Variants in KAT6A observed in about 807,000 individuals in gnomAD.
KAT6A encodes the protein lysine acetyltransferase 6A.
Under a neutral mutation model 198.4 loss-of-function variants are expected in KAT6A, and 9 were observed. The ratio of observed to expected loss-of-function variants is 0.05; its 90% CI spans 0.03 to 0.08. The LOEUF is 0.08. Among genes scored for constraint, KAT6A ranks in the 10% least tolerant of loss-of-function variants. The probability of loss-of-function intolerance (pLI) is 1.00; values close to 1 mark genes in which losing one functional copy is unlikely to be tolerated. For synonymous variants in KAT6A, 890 were observed against 883.0 expected (o/e 1.01, Z -0.14); for missense variants, 2,077 against 2,509.9 (o/e 0.83, Z 3.69).
chr8:41,970,981 C>T (rs913351159), intron 8 of KAT6A, among the ~76,000 whole-genome samples: 5 of 151,902 alleles, frequency 3.3e-5, no homozygotes, highest in African/African-American at 1.2e-4. Context: ...GACAAAAAAA[C>T]CAAACACCGC....
chr8:42,047,254 A>T (rs1802359621), intron 2 of KAT6A, among the ~76,000 whole-genome samples: 1 of 152,214 alleles, frequency 6.6e-6, no homozygotes, highest in African/African-American at 2.4e-5. Flanking sequence ...GGTCAATGTA[A>T]AAAACAGGTA....
Position 41,934,750 on chromosome 8 carries a change from C to T in KAT6A, c.3470G>A (p.Ser1157Asn). 1 of 1,614,164 alleles carries T rather than the reference C, an allele frequency of 6.2e-7. No individual in the cohort carries two copies. The highest frequency in any genetic ancestry group is 8.5e-7 in the Non-Finnish European group (1 of 1,180,036). ...TTTCTTCCAGTGGATTGGTTTGCGGCTCTTGCCTTTGGGCCATCCCTTTTT... is the reference window on the plus strand; with the variant it reads ...TTTCTTCCAGTGGATTGGTTTGCGGTTCTTGCCTTTGGGCCATCCCTTTTT... Reference protein sequence around the residue: ...KKKKGWPKGKSRKPIHWKKRP... With the variant: ...KKKKGWPKGKNRKPIHWKKRP... The change falls in exon 17 of 17, where the codon AGC becomes AAC. Residue 1157 changes from serine (S) to asparagine (N), a missense_variant. By Grantham distance (46) the Ser-to-Asn change is conservative. Coordinates refer to ENST00000265713, the MANE Select transcript of KAT6A (RefSeq NM_006766.5).
chr8:41,941,529 G>C (rs182311746), intron 14 of KAT6A, 85 bp from the exon 15 acceptor site: 1 of 1,372,620 alleles, frequency 7.3e-7, no homozygotes, highest in Non-Finnish European at 9.8e-7. Flanking sequence ...TAAGTATTGA[G>C]AGAAGAAAAG....
chr8:42,021,319 C>T (rs1372363160), intron 2 of KAT6A, among the ~76,000 whole-genome samples: 1 of 152,074 alleles, frequency 6.6e-6, no homozygotes, highest in Non-Finnish European at 1.5e-5. Flanking sequence ...TTTGTTTTGT[C>T]TTGTTTTACT....
intron 9 of KAT6A, among the ~76,000 whole-genome samples, chr8:41,953,726 G>T (rs186274518): frequency 2.1e-3 from 317 of 152,076 alleles, no homozygotes; most frequent in African/African-American, 6.9e-3. Flanking sequence ...TGCCTATCTC[G>T]GCCTCCCAAA....
At chr8:41,949,869 A>G (rs570614564) in intron 9 of KAT6A, among the ~76,000 whole-genome samples, 4 of 152,152 alleles carry the variant, frequency 2.6e-5, no homozygotes, top group Non-Finnish European at 4.4e-5. Flanking sequence ...CTTTTTCCCA[A>G]CTTTCCTGGG....
At chr8:41,960,779 G>T (rs1483871470) in intron 8 of KAT6A, among the ~76,000 whole-genome samples, 1 of 151,972 alleles carries the variant, frequency 6.6e-6, no homozygotes, top group Non-Finnish European at 1.5e-5. Context: ...CCATAATCCA[G>T]TGCTTCCATC....
Position 41,933,717 on chromosome 8 carries a change from G to A in KAT6A, c.4503C>T (p.Asn1501=), listed in dbSNP as rs1035776343. 27 of 1,614,026 alleles carry A rather than the reference G, an allele frequency of 1.7e-5. No individual in the cohort carries two copies. Among genetic ancestry groups the A allele is most frequent in the African/African-American group, 1.1e-4 (8 of 74,902 alleles). The stretch of plus-strand genomic sequence containing the variant: ...TGTAGCCACTCTCAAGGGCAGGCAC[G>A]TTGGGACTGCTGACCGAACGGACTG... ...SQSVRSVSSP[N]VPALESGYTQ... The change falls in exon 17 of 17, where the codon AAC becomes AAT. Residue 1501 remains asparagine (N), a synonymous_variant. Transcript: ENST00000265713. This position sits in a 1 kb window ranked among gnomAD's most constrained non-coding sequence, Gnocchi z 6.2.
chr8:42,019,695 T>C (rs1214059003), intron 2 of KAT6A, among the ~76,000 whole-genome samples: 1 of 152,198 alleles, frequency 6.6e-6, no homozygotes, highest in Admixed American at 6.5e-5. Flanking sequence ...AGGGATGTCC[T>C]CTTCTGGTCT....
At chr8:41,972,842 G>A (rs1031943438) in intron 8 of KAT6A, among the ~76,000 whole-genome samples, 15 of 152,088 alleles carry the variant, frequency 9.9e-5, no homozygotes, top group African/African-American at 2.7e-4. Flanking sequence ...CAACTTACTC[G>A]GGAGGAGAAA....
chr8:42,011,811 T>C (rs564948360), intron 2 of KAT6A, among the ~76,000 whole-genome samples: 2 of 148,814 alleles, frequency 1.3e-5, no homozygotes, highest in South Asian at 2.1e-4. Context: ...TACAGAGGAT[T>C]ATAAAAGCAC....
chr8:41,959,160 A>ATT (rs1491203466), intron 8 of KAT6A, among the ~76,000 whole-genome samples: 1 of 19,508 alleles, frequency 5.1e-5, no homozygotes, highest in Non-Finnish European at 8.5e-5. Flanking sequence ...GACTGTCTCG[A>ATT]AAAAAAAAAA....
chr8:42,012,202 T>C (rs991392060), intron 2 of KAT6A, among the ~76,000 whole-genome samples: 2 of 152,210 alleles, frequency 1.3e-5, no homozygotes, highest in African/African-American at 4.8e-5. Flanking sequence ...CAGTTTCTTA[T>C]AAAAGTTAAA....
intron 2 of KAT6A, among the ~76,000 whole-genome samples, chr8:42,011,013 G>C (rs1190677954): frequency 6.6e-6 from 1 of 152,114 alleles, no homozygotes; most frequent in African/African-American, 2.4e-5. Flanking sequence ...AGATAATCCA[G>C]GCAATAATCT....
chr8:41,966,524 T>C (rs1823502131), intron 8 of KAT6A, among the ~76,000 whole-genome samples: 1 of 152,104 alleles, frequency 6.6e-6, no homozygotes, highest in Non-Finnish European at 1.5e-5. Context: ...CATTGCTTCC[T>C]CAAAGCTGAA....
At chr8:41,942,621 A>T in intron 14 of KAT6A, 172 bp downstream of exon 14, 1 of 721,076 alleles carries the variant, frequency 1.4e-6, no homozygotes, top group Non-Finnish European at 2.2e-6. Context: ...AAAAATACTT[A>T]AGTAAACCAG....
chr8:41,942,569 T>G, intron 14 of KAT6A: 1 of 539,820 alleles, frequency 1.9e-6, no homozygotes, highest in Admixed American at 3.6e-5. Context: ...AAGTAACACA[T>G]TATAAGAAAT....
At chr8:42,003,263 C>T (rs1825581014) in intron 2 of KAT6A, among the ~76,000 whole-genome samples, 1 of 152,138 alleles carries the variant, frequency 6.6e-6, no homozygotes, top group South Asian at 2.1e-4. Context: ...AACTAGACTT[C>T]CCATGCGCCC....
intron 15 of KAT6A, among the ~76,000 whole-genome samples, chr8:41,939,895 G>A (rs1822022642): frequency 6.6e-6 from 1 of 152,186 alleles, no homozygotes; most frequent in Non-Finnish European, 1.5e-5. Context: ...AACTGTGATA[G>A]ATGTACCACA....
Sources: allele counts gnomAD v4.1 joint callset (sites outside exome capture counted in the v4.1 genomes callset), GRCh38; gene constraint gnomAD v4.1.1; non-coding constraint Gnocchi (gnomAD v3.1); transcripts MANE v1.5; gene names NCBI Gene and HGNC (gene_info 2026-07-23, HGNC 2026-07-21).